DDAH1: variants seen among roughly 807,000 people sequenced by gnomAD.
DDAH1 encodes the protein N(G),N(G)-dimethylarginine dimethylaminohydrolase 1.
A neutral mutation model predicts 28.8 loss-of-function variants in DDAH1; 19 were observed. The observed-to-expected ratio is 0.66, with a 90% CI of 0.46 to 0.97. DDAH1 has a LOEUF of 0.97. Among genes scored for constraint, DDAH1 ranks in the 50% least tolerant of loss-of-function variants. The pLI, the probability that DDAH1 is intolerant of heterozygous loss-of-function variation, is 0.00. For synonymous variants in DDAH1, 153 were observed against 154.4 expected, an observed-to-expected ratio of 0.99 and a Z score of 0.07; for missense variants, 326 against 375.9, an observed-to-expected ratio of 0.87 and a Z score of 1.10.
chr1:85,486,566 C>G (rs1012753599), intron 2 of DDAH1, among the ~76,000 whole-genome samples: 17 of 152,160 alleles, frequency 1.1e-4, no homozygotes, highest in African/African-American at 3.9e-4. Flanking sequence ...CATATTTATT[C>G]AGTCATTCAG....
At chr1:85,356,960 G>A (rs1434675418) in intron 2 of DDAH1, among the ~76,000 whole-genome samples, 2 of 152,196 alleles carry the variant, frequency 1.3e-5, no homozygotes, top group Non-Finnish European at 2.9e-5. Flanking sequence ...AATGTTAACA[G>A]TACCTGCTTA....
At chr1:85,479,129 C>A (rs1655901079) in intron 2 of DDAH1, among the ~76,000 whole-genome samples, 2 of 145,602 alleles carry the variant, frequency 1.4e-5, no homozygotes, top group South Asian at 4.4e-4. Context: ...AGTTAATAAT[C>A]TGAGATTATT....
At chr1:85,386,783 C>T (rs528082136) in intron 1 of DDAH1, among the ~76,000 whole-genome samples, 2 of 152,316 alleles carry the variant, frequency 1.3e-5, no homozygotes, top group Non-Finnish European at 2.9e-5. Context: ...CACCCTGCAG[C>T]AAGCTTCTGC....
intron 1 of DDAH1, among the ~76,000 whole-genome samples, chr1:85,523,721 A>G (rs1657768004): frequency 6.6e-6 from 1 of 152,230 alleles, no homozygotes; most frequent in East Asian, 1.9e-4. Context: ...AAAAAGTATC[A>G]GCTATAATAA....
At chr1:85,372,149 A>G (rs1650418169) in intron 1 of DDAH1, among the ~76,000 whole-genome samples, 2 of 152,148 alleles carry the variant, frequency 1.3e-5, no homozygotes, top group Non-Finnish European at 2.9e-5. Flanking sequence ...TCCAGGCTGA[A>G]GCATGGCAAA....
Position 85,389,128 on chromosome 1 carries a change from G to T in DDAH1, c.304-30281C>A, listed in dbSNP as rs766779967. Among the ~76,000 whole-genome samples, 11 of 152,120 alleles carry T rather than the reference G, an allele frequency of 7.2e-5. No individual in the cohort carries two copies. In the South Asian group the frequency reaches 8.3e-4, roughly 11 times the overall value. ...AGGCTGAGGCAGGAGGATACCTTGA[G>T]CCCAGGAGTTCGAGATCAGCCTGGA... On this transcript the variant is annotated intron_variant, in intron 1 of 5. Coordinates refer to ENST00000284031, the MANE Select transcript of DDAH1 (RefSeq NM_012137.4).
chr1:85,417,973 GT>G (rs1652959016), intron 1 of DDAH1, among the ~76,000 whole-genome samples: 1 of 152,190 alleles, frequency 6.6e-6, no homozygotes, highest in Admixed American at 6.5e-5. Flanking sequence ...ACAAATCATA[GT>G]TGCTTTGCGG....
chr1:85,337,470 T>C (rs1313532939), intron 4 of DDAH1, among the ~76,000 whole-genome samples: 1 of 152,062 alleles, frequency 6.6e-6, no homozygotes, highest in Non-Finnish European at 1.5e-5. Context: ...TTTTTTTTTT[T>C]TGAGATGTAG....
chr1:85,443,832 TAAG>T (rs1339166185), intron 1 of DDAH1, among the ~76,000 whole-genome samples: 1 of 152,214 alleles, frequency 6.6e-6, no homozygotes, highest in Non-Finnish European at 1.5e-5. Context: ...TATTGGTGTA[TAAG>T]AATGCTTGTG....
At chr1:85,565,290 T>C (rs1252881843) in intron 1 of DDAH1, among the ~76,000 whole-genome samples, 1 of 152,146 alleles carries the variant, frequency 6.6e-6, no homozygotes, top group Non-Finnish European at 1.5e-5. Flanking sequence ...AGGGCTATAA[T>C]GCAATGAAAG....
intron 4 of DDAH1, among the ~76,000 whole-genome samples, chr1:85,343,993 C>G (rs982193129): frequency 6.6e-6 from 1 of 152,126 alleles, no homozygotes; most frequent in Non-Finnish European, 1.5e-5. Flanking sequence ...TGTGTTCATT[C>G]AAGGAATGTT....
At chr1:85,451,509 C>T (rs77110069) in intron 1 of DDAH1, among the ~76,000 whole-genome samples, 1 of 152,100 alleles carries the variant, frequency 6.6e-6, no homozygotes, top group Non-Finnish European at 1.5e-5. Context: ...GCTGTACTTG[C>T]TCAAGGCCAC....
chr1:85,437,431 C>T (rs1653992123), intron 1 of DDAH1, among the ~76,000 whole-genome samples: 1 of 152,144 alleles, frequency 6.6e-6, no homozygotes, highest in Non-Finnish European at 1.5e-5. Context: ...AGATCGACCC[C>T]TCCTCTTCCT....
At chr1:85,395,056 G>A (rs1011768399) in intron 1 of DDAH1, among the ~76,000 whole-genome samples, 2 of 152,040 alleles carry the variant, frequency 1.3e-5, no homozygotes, top group African/African-American at 4.8e-5. Flanking sequence ...AGTATACCAA[G>A]AGAAAGTAAA....
chr1:85,498,053 T>C (rs1347735281), intron 1 of DDAH1, among the ~76,000 whole-genome samples: 2 of 152,202 alleles, frequency 1.3e-5, no homozygotes, highest in Non-Finnish European at 2.9e-5. Flanking sequence ...TATACTTCAT[T>C]AATAGTGAAG....
chr1:85,332,415 A>C (rs1023302422), intron 4 of DDAH1, among the ~76,000 whole-genome samples: 3 of 152,164 alleles, frequency 2.0e-5, no homozygotes, highest in African/African-American at 7.2e-5. Context: ...CTGTCAATGA[A>C]ATAAAACCCT....
intron 1 of DDAH1, among the ~76,000 whole-genome samples, chr1:85,405,284 C>G (rs1356002522): frequency 6.6e-6 from 1 of 152,170 alleles, no homozygotes; most frequent in Non-Finnish European, 1.5e-5. Context: ...AGGGTTGAAA[C>G]TATACCTAAG....
chr1:85,393,673 T>C (rs1651669745), intron 1 of DDAH1, among the ~76,000 whole-genome samples: 1 of 152,224 alleles, frequency 6.6e-6, no homozygotes, highest in South Asian at 2.1e-4. Context: ...ACTGTGTTTA[T>C]AGTACTTTTC....
chr1:85,369,223 T>A (rs552390367), intron 1 of DDAH1, among the ~76,000 whole-genome samples: 31 of 90,720 alleles, frequency 3.4e-4, no homozygotes, highest in African/African-American at 1.4e-3. Flanking sequence ...CAATGGCCAA[T>A]TTTTTTTTTT....
Sources: gnomAD v4.1 joint callset for allele counts (sites outside exome capture counted in the v4.1 genomes callset) on GRCh38, gnomAD v4.1.1 for gene constraint, MANE v1.5 for transcripts, NCBI Gene and HGNC (gene_info 2026-07-23, HGNC 2026-07-21) for gene names.